TWIST2: variants seen among roughly 807,000 people sequenced by gnomAD.
The protein encoded by TWIST2 is twist family bHLH transcription factor 2.
Under a neutral mutation model 11.6 loss-of-function variants are expected in TWIST2, and 1 was observed. That is an observed-to-expected ratio of 0.09 (90% CI 0.03 to 0.41). The LOEUF (loss-of-function observed/expected upper bound fraction) is 0.41, where lower values mean the gene tolerates loss of function less well. Among genes scored for constraint, TWIST2 ranks in the 10% least tolerant of loss-of-function variants. The pLI is 0.98. For synonymous variants in TWIST2, 87 were observed against 96.6 expected (o/e 0.90, Z 0.58); for missense variants, 168 against 226.4 (o/e 0.74, Z 1.66).
intron 1 of TWIST2, among the ~76,000 whole-genome samples, chr2:238,868,182 A>G (rs145908576): frequency 0.97 from 147,634 of 152,128 alleles, 71,830 homozygotes; most frequent in African/African-American, 0.99. Flanking sequence ...CCAGGAGGTC[A>G]GGCTTTCTGC....
intron 1 of TWIST2, among the ~76,000 whole-genome samples, chr2:238,906,000 C>T (rs1013941454): frequency 3.1e-4 from 32 of 102,030 alleles, no homozygotes; most frequent in African/African-American, 1.2e-3. Flanking sequence ...CGCGTGTGTG[C>T]GTGTGCGTGT....
intron 1 of TWIST2, among the ~76,000 whole-genome samples, chr2:238,901,192 G>A (rs1426727193): frequency 6.6e-6 from 1 of 151,980 alleles, no homozygotes; most frequent in Non-Finnish European, 1.5e-5. Flanking sequence ...GGCCAGGCTG[G>A]TCTCAAACTC....
At position 238,864,476 on chromosome 2, in the gene TWIST2, G is replaced by A. The variant is rs1388626288; in HGVS notation, c.*35+15743G>A. The stretch of plus-strand genomic sequence containing the variant: ...ATAAACAGAGCAGGAAGGTTTGAAT[G>A]GGCCAGGCCTGGAGCAGAGTGCAGG... On this transcript the variant is annotated intron_variant, in intron 1 of 1. Coordinates refer to ENST00000612363, the MANE Select transcript of TWIST2 (RefSeq NM_001271893.4). The surrounding 1 kb of genome is among the most constrained non-coding windows in gnomAD (Gnocchi z 4.7). 2.0e-5 allele frequency among the ~76,000 whole-genome samples: 3 copies of A among 152,312 alleles called. No homozygotes were observed. The East Asian group carries it at 5.8e-4, about 29-fold the overall frequency.
At chr2:238,907,750 CACACACAAAA>C (rs1314483288) in intron 1 of TWIST2, among the ~76,000 whole-genome samples, 25 of 128,084 alleles carry the variant, frequency 2.0e-4, no homozygotes, top group Admixed American at 7.5e-4. Flanking sequence ...GCACACAACA[CACACACAAAA>C]ACACACAAAC....
At chr2:238,860,689 G>A (rs965890942) in intron 1 of TWIST2, among the ~76,000 whole-genome samples, 9 of 152,196 alleles carry the variant, frequency 5.9e-5, no homozygotes, top group African/African-American at 2.2e-4. Flanking sequence ...TGTAATCCCA[G>A]CACTTTGGGA....
rs140969203 is a variant in TWIST2 at position 238,866,588 on chromosome 2, C to T, written c.*35+17855C>T. On this transcript the variant is annotated intron_variant, in intron 1 of 1. Coordinates refer to ENST00000612363, the MANE Select transcript of TWIST2 (RefSeq NM_001271893.4). The surrounding 1 kb of genome is among the most constrained non-coding windows in gnomAD (Gnocchi z 4.9). ...AGGAGAATTGCTTGAACCCGGGAGG[C>T]GGAGGTTGCAGTGAGCTGAGATCGC... Among the ~76,000 whole-genome samples the T allele has an allele frequency of 2.0e-5, 3 of 152,142 alleles. No homozygotes were observed. Among genetic ancestry groups the T allele is most frequent in the African/African-American group, 7.2e-5 (3 of 41,488 alleles).
intron 1 of TWIST2, among the ~76,000 whole-genome samples, chr2:238,892,562 C>G (rs1444414515): frequency 6.6e-6 from 1 of 152,042 alleles, no homozygotes; most frequent in East Asian, 1.9e-4. Flanking sequence ...CTCACTGCAA[C>G]CTCCGCCTCC....
chr2:238,901,533 G>T (rs1693268663), intron 1 of TWIST2, among the ~76,000 whole-genome samples: 1 of 152,200 alleles, frequency 6.6e-6, no homozygotes, highest in Non-Finnish European at 1.5e-5. Flanking sequence ...CGTTCAGCCT[G>T]GATGTGCCCC....
chr2:238,852,245 A>G (rs2106347800), intron 1 of TWIST2, among the ~76,000 whole-genome samples: 1 of 152,356 alleles, frequency 6.6e-6, no homozygotes, highest in South Asian at 2.1e-4. Context: ...AAATATTTTA[A>G]TAAGCCAATT....
rs183006473 is a variant in TWIST2, at chr2:238,864,477, G to A, written c.*35+15744G>A. Reference sequence around the variant, plus strand: ...TAAACAGAGCAGGAAGGTTTGAATGGGCCAGGCCTGGAGCAGAGTGCAGGG... The same window carrying A: ...TAAACAGAGCAGGAAGGTTTGAATGAGCCAGGCCTGGAGCAGAGTGCAGGG... On this transcript the variant is annotated intron_variant, in intron 1 of 1. Transcript: ENST00000612363. This position sits in a 1 kb window ranked among gnomAD's most constrained non-coding sequence, Gnocchi z 4.7. Among the ~76,000 whole-genome samples, 289 of 152,284 alleles carry A rather than the reference G, an allele frequency of 1.9e-3. 2 individuals carry two copies. The highest frequency in any genetic ancestry group is 6.5e-3 in the African/African-American group (272 of 41,566).
At chr2:238,902,474 AGGT>A (rs1693280285) in intron 1 of TWIST2, among the ~76,000 whole-genome samples, 1 of 143,322 alleles carries the variant, frequency 7.0e-6, no homozygotes, top group South Asian at 2.3e-4. Context: ...GTGTGGTGTG[AGGT>A]GTGTGTGTGA....
At chr2:238,884,346 A>G (rs750341861) in intron 1 of TWIST2, among the ~76,000 whole-genome samples, 11 of 152,240 alleles carry the variant, frequency 7.2e-5, no homozygotes, top group Non-Finnish European at 1.2e-4. Context: ...GACCAGGCCA[A>G]GGTCCCCAGA....
chr2:238,900,928 C>T (rs1240542033), intron 1 of TWIST2, among the ~76,000 whole-genome samples: 9 of 150,526 alleles, frequency 6.0e-5, no homozygotes, highest in African/African-American at 1.5e-4. Context: ...CGTGGAGACA[C>T]GTTCCTCTGC....
intron 1 of TWIST2, among the ~76,000 whole-genome samples, chr2:238,909,000 GTGTGGT>G (rs1693406021): frequency 1.5e-5 from 2 of 134,388 alleles, no homozygotes; most frequent in Admixed American, 7.4e-5. Flanking sequence ...TAGTATGTTT[GTGTGGT>G]GTGTGTGTGT....
At chr2:238,856,012 G>T (rs943656244) in intron 1 of TWIST2, among the ~76,000 whole-genome samples, 10 of 152,144 alleles carry the variant, frequency 6.6e-5, no homozygotes, top group African/African-American at 2.4e-4. Context: ...TGTTTTTGTT[G>T]ATTTCTCTGG....
intron 1 of TWIST2, among the ~76,000 whole-genome samples, chr2:238,878,666 A>G (rs1249762687): frequency 6.6e-6 from 1 of 152,240 alleles, no homozygotes; most frequent in African/African-American, 2.4e-5. Context: ...TTATTCCTCC[A>G]GGAGGTAACG....
chr2:238,884,390 T>C (rs1179029572), intron 1 of TWIST2, among the ~76,000 whole-genome samples: 1 of 152,246 alleles, frequency 6.6e-6, no homozygotes, highest in Non-Finnish European at 1.5e-5. Context: ...GGAGGGCCGC[T>C]TCCCATGCGA....
intron 1 of TWIST2, among the ~76,000 whole-genome samples, chr2:238,852,265 G>A (rs1214092948): frequency 1.3e-5 from 2 of 152,142 alleles, no homozygotes. Context: ...TTTAAAGGCT[G>A]AACTTTTATG....
intron 1 of TWIST2, among the ~76,000 whole-genome samples, chr2:238,883,806 T>A (rs983049298): frequency 2.0e-5 from 3 of 151,254 alleles, no homozygotes; most frequent in African/African-American, 7.3e-5. Context: ...GCTGACAGGG[T>A]TATGTTGTTG....
Sources: allele counts gnomAD v4.1 joint callset (sites outside exome capture counted in the v4.1 genomes callset), GRCh38; gene constraint gnomAD v4.1.1; non-coding constraint Gnocchi (gnomAD v3.1); transcripts MANE v1.5; gene names NCBI Gene and HGNC (gene_info 2026-07-23, HGNC 2026-07-21).